The following DTNA variants were observed in gnomAD, a reference collection of about 807,000 sequenced individuals.
DTNA encodes the protein dystrophin-related protein 3.
In DTNA, 43 loss-of-function variants were observed where a neutral mutation model predicts 100.7. The observed-to-expected ratio is 0.43, with a 90% CI of 0.33 to 0.55. The LOEUF is 0.55. DTNA is among the 20% of genes least tolerant of loss of function. The probability of loss-of-function intolerance (pLI) is 0.04; values close to 1 mark genes in which losing one functional copy is unlikely to be tolerated. For missense variants in DTNA, 798 were observed against 953.9 expected, an observed-to-expected ratio of 0.84 and a Z score of 2.15; for synonymous variants, 349 against 347.9, an observed-to-expected ratio of 1.00 and a Z score of -0.04.
chr18:34,803,291 A>G (rs1355796011), intron 4 of DTNA, among the ~76,000 whole-genome samples: 1 of 151,770 alleles, frequency 6.6e-6, no homozygotes, highest in Non-Finnish European at 1.5e-5. Context: ...ATTTATCTAG[A>G]TTTATTGTGT....
chr18:34,705,608 T>C (rs1027071098), upstream of DTNA, among the ~76,000 whole-genome samples: 1 of 152,238 alleles, frequency 6.6e-6, no homozygotes, highest in African/African-American at 2.4e-5. Context: ...AAATGAGGTA[T>C]AATACTAAAT....
At chr18:34,588,650 G>C (rs972294867) in intron 1 of DTNA, among the ~76,000 whole-genome samples, 5 of 144,282 alleles carry the variant, frequency 3.5e-5, no homozygotes, top group Non-Finnish European at 7.6e-5. Context: ...GGTGAGGAAT[G>C]AGGAAATGCT....
chr18:34,755,314 G>C (rs1026919062), intron 1 of DTNA: 3 of 152,128 alleles, frequency 2.0e-5, no homozygotes, highest in Admixed American at 6.6e-5. Flanking sequence ...CATTTTAGTA[G>C]TATATTTTAA....
intron 1 of DTNA, among the ~76,000 whole-genome samples, chr18:34,613,373 G>C (rs938825177): frequency 2.6e-5 from 4 of 152,142 alleles, no homozygotes; most frequent in Admixed American, 6.5e-5. Flanking sequence ...GTGAAAGGAA[G>C]GATCCTGTGT....
chr18:34,792,865 A>C (rs534245079), intron 3 of DTNA, among the ~76,000 whole-genome samples: 89 of 152,306 alleles, frequency 5.8e-4, no homozygotes, highest in Non-Finnish European at 1.2e-3. Context: ...GTCTAAGAGA[A>C]ATGGAAGCCA....
upstream of DTNA, among the ~76,000 whole-genome samples, chr18:34,706,124 T>A (rs1312799708): frequency 6.6e-6 from 1 of 152,130 alleles, no homozygotes; most frequent in Non-Finnish European, 1.5e-5. Context: ...AATTTTGTAT[T>A]TTTAGCAGAG....
intron 1 of DTNA, among the ~76,000 whole-genome samples, chr18:34,496,498 CT>C (rs921286614): frequency 2.0e-5 from 3 of 152,130 alleles, no homozygotes; most frequent in Admixed American, 6.6e-5. Flanking sequence ...TTTTATCTCA[CT>C]TGGTAGTTTT....
intron 1 of DTNA, among the ~76,000 whole-genome samples, chr18:34,668,952 C>T (rs1389134625): frequency 6.6e-6 from 1 of 152,146 alleles, no homozygotes; most frequent in Non-Finnish European, 1.5e-5. Flanking sequence ...CCACTTGTTG[C>T]AGAGCTGAAT....
At chr18:34,532,695 C>T (rs1239331650) in intron 1 of DTNA, among the ~76,000 whole-genome samples, 2 of 152,004 alleles carry the variant, frequency 1.3e-5, no homozygotes, top group Non-Finnish European at 2.9e-5. Flanking sequence ...GCTCACTTGG[C>T]TACCTCCCTA....
At chr18:34,827,757 C>A in intron 10 of DTNA, 81 bp downstream of exon 10, 2 of 1,369,516 alleles carry the variant, frequency 1.5e-6, no homozygotes, top group Non-Finnish European at 1.0e-6. Context: ...TATTCTCATG[C>A]AAGCCAAGGG....
intron 1 of DTNA, among the ~76,000 whole-genome samples, chr18:34,703,328 G>A (rs981576179): frequency 1.3e-5 from 2 of 152,098 alleles, no homozygotes; most frequent in African/African-American, 4.8e-5. Flanking sequence ...CAGAATTTTG[G>A]TGCTGTATTA....
intron 3 of DTNA, among the ~76,000 whole-genome samples, chr18:34,789,598 G>T (rs145751342): frequency 3.6e-4 from 55 of 152,264 alleles, no homozygotes; most frequent in African/African-American, 1.3e-3. Flanking sequence ...CCATAGGCAG[G>T]AACCACATCT....
chr18:34,811,570 A>C (rs570558081), intron 5 of DTNA, among the ~76,000 whole-genome samples: 1 of 152,350 alleles, frequency 6.6e-6, no homozygotes, highest in South Asian at 2.1e-4. Context: ...CCCCAACTTT[A>C]TAGTAAAACT....
chr18:34,537,831 C>A (rs530857294), intron 1 of DTNA, among the ~76,000 whole-genome samples: 5 of 151,644 alleles, frequency 3.3e-5, no homozygotes, highest in Non-Finnish European at 7.4e-5. Context: ...GTAGATTAGA[C>A]TTTGATGAAA....
chr18:34,519,980 T>C (rs1213651428), intron 1 of DTNA, among the ~76,000 whole-genome samples: 1 of 152,210 alleles, frequency 6.6e-6, no homozygotes, highest in Non-Finnish European at 1.5e-5. Flanking sequence ...TAATGTTTAC[T>C]TGCATAGGTG....
chr18:34,722,581 A>G (rs997015544), intron 1 of DTNA, among the ~76,000 whole-genome samples: 17 of 151,722 alleles, frequency 1.1e-4, no homozygotes, highest in Non-Finnish European at 2.4e-4. Flanking sequence ...GTACAAATTA[A>G]TAGGTTTTGA....
intron 1 of DTNA, among the ~76,000 whole-genome samples, chr18:34,643,479 A>C (rs1460103921): frequency 1.3e-5 from 2 of 152,236 alleles, no homozygotes; most frequent in Non-Finnish European, 2.9e-5. Context: ...GCAATGTGTT[A>C]ATTAGCCTGT....
At chr18:34,510,622 CTTT>C (rs1027138316) in intron 1 of DTNA, among the ~76,000 whole-genome samples, 4 of 92,842 alleles carry the variant, frequency 4.3e-5, no homozygotes, top group East Asian at 3.5e-4. Flanking sequence ...ACTGGCCATT[CTTT>C]TTTTTTTTTT....
intron 1 of DTNA, among the ~76,000 whole-genome samples, chr18:34,589,934 C>T (rs903559414): frequency 8.1e-6 from 1 of 123,166 alleles, no homozygotes; most frequent in Non-Finnish European, 1.7e-5. Context: ...TGGCAAATGG[C>T]AGGATCTCTT....
Sources: gnomAD v4.1 joint callset for allele counts (sites outside exome capture counted in the v4.1 genomes callset) on GRCh38, gnomAD v4.1.1 for gene constraint, MANE v1.5 for transcripts, NCBI Gene and HGNC (gene_info 2026-07-23, HGNC 2026-07-21) for gene names.